The following SLC37A1 variants were observed in gnomAD, a reference collection of about 807,000 sequenced individuals.
The protein encoded by SLC37A1 is solute carrier family 37 member 1.
SLC37A1 carries 49 observed loss-of-function variants against 75.3 expected under a neutral mutation model. The observed-to-expected ratio is 0.65, with a 90% CI of 0.52 to 0.83. The LOEUF is 0.83. Ranked by LOEUF, SLC37A1 falls within the 40% of genes least tolerant of loss-of-function variation. The probability of loss-of-function intolerance (pLI) is 0.00; values close to 1 mark genes in which losing one functional copy is unlikely to be tolerated. For missense variants in SLC37A1, 566 were observed against 695.0 expected, an observed-to-expected ratio of 0.81 and a Z score of 2.09; for synonymous variants, 268 against 292.1, an observed-to-expected ratio of 0.92 and a Z score of 0.84.
Position 42,545,518 on chromosome 21 carries a change from G to A in SLC37A1, c.731-1585G>A, listed in dbSNP as rs573458471. On this transcript the variant is annotated intron_variant, in intron 8 of 19. Transcript: ENST00000352133. The surrounding 1 kb of genome is among the most constrained non-coding windows in gnomAD (Gnocchi z 4.0). ...CTTTCTCTGCTGCTCCTTCACTCTT[G>A]TCTCCTGCCCAGGGTGAGCCCCAAA... Among the ~76,000 whole-genome samples the A allele has an allele frequency of 2.0e-5, 3 of 152,180 alleles. No individual in the cohort carries two copies. The highest frequency in any genetic ancestry group is 7.2e-5 in the African/African-American group (3 of 41,536).
intron 14 of SLC37A1, 108 bp from the exon 15 acceptor site, chr21:42,565,719 G>C (rs1434363675): frequency 9.9e-7 from 1 of 1,009,852 alleles, no homozygotes; most frequent in Non-Finnish European, 1.5e-6. Flanking sequence ...CCACTCTTGG[G>C]ATGGCTGCCT....
At chr21:42,523,003 G>A (rs2054691011) in intron 2 of SLC37A1, among the ~76,000 whole-genome samples, 1 of 152,264 alleles carries the variant, frequency 6.6e-6, no homozygotes, top group Non-Finnish European at 1.5e-5. Context: ...GGAACGCGGT[G>A]TGTGTCGGGG....
intron 12 of SLC37A1, 123 bp downstream of exon 12, chr21:42,562,291 C>G (rs1179374549): frequency 2.1e-5 from 17 of 806,306 alleles, no homozygotes; most frequent in Non-Finnish European, 3.6e-5. Context: ...GAGAGGTACA[C>G]CTTTGAATAA....
intron 2 of SLC37A1, among the ~76,000 whole-genome samples, chr21:42,525,317 C>T (rs2054759171): frequency 6.6e-6 from 1 of 152,260 alleles, no homozygotes; most frequent in Admixed American, 6.5e-5. Context: ...GTCAGAGGAG[C>T]AGGTCACAAC....
intron 10 of SLC37A1, among the ~76,000 whole-genome samples, chr21:42,558,103 C>T (rs897138266): frequency 9.9e-5 from 15 of 152,122 alleles, no homozygotes; most frequent in African/African-American, 2.4e-4. Flanking sequence ...CACCACATTC[C>T]ACTATTTTTT....
At position 42,535,000 on chromosome 21, in the gene SLC37A1, G is replaced by A. The variant is rs528075901; in HGVS notation, c.271+170G>A. Among the ~76,000 whole-genome samples the A allele has an allele frequency of 3.9e-5, 6 of 152,352 alleles. No homozygotes were observed. In the South Asian group the frequency reaches 1.2e-3, roughly 32 times the overall value. Reference sequence around the variant, plus strand: ...CCGCCACGGTGTCCACAGTGCCTGTGCGCAGAGCTGTTCCTCCTGAAAGAA... The same window carrying A: ...CCGCCACGGTGTCCACAGTGCCTGTACGCAGAGCTGTTCCTCCTGAAAGAA... On this transcript the variant is annotated intron_variant, in intron 4 of 19. Coordinates refer to ENST00000352133, the MANE Select transcript of SLC37A1 (RefSeq NM_001320537.2).
chr21:42,562,837 G>A (rs1009562910), intron 12 of SLC37A1, among the ~76,000 whole-genome samples: 7 of 152,096 alleles, frequency 4.6e-5, no homozygotes, highest in African/African-American at 1.4e-4. Context: ...CAGAGAGAGC[G>A]AGAGGAAGGA....
intron 5 of SLC37A1, among the ~76,000 whole-genome samples, chr21:42,537,929 T>C (rs2055181619): frequency 6.6e-6 from 1 of 152,342 alleles, no homozygotes; most frequent in South Asian, 2.1e-4. Flanking sequence ...AAATCAGATC[T>C]GATAGGGTAC....
At chr21:42,567,984 G>A (rs117029439) in intron 16 of SLC37A1, among the ~76,000 whole-genome samples, 1,658 of 152,390 alleles carry the variant, frequency 0.011, 12 homozygotes, top group Non-Finnish European at 0.015. Context: ...GAATCCAGCA[G>A]ACACGTGGAT....
chr21:42,566,283 C>T (rs764067164), intron 15 of SLC37A1, among the ~76,000 whole-genome samples: 3 of 152,242 alleles, frequency 2.0e-5, no homozygotes, highest in African/African-American at 4.8e-5. Context: ...TCTTGGGCCA[C>T]GTCAGGTAGC....
At chr21:42,540,896 A>AGAAGG (rs2055263115) in intron 6 of SLC37A1, among the ~76,000 whole-genome samples, 1 of 152,250 alleles carries the variant, frequency 6.6e-6, no homozygotes, top group African/African-American at 2.4e-5. Context: ...ACAATTTTCC[A>AGAAGG]GAGTCCCAGC....
chr21:42,572,038 A>G (rs1276511054), intron 17 of SLC37A1, among the ~76,000 whole-genome samples: 2 of 152,122 alleles, frequency 1.3e-5, no homozygotes, highest in African/African-American at 4.8e-5. Flanking sequence ...ACTGGCTCCT[A>G]GCAGCTTCCT....
Position 42,516,103 on chromosome 21 carries a change from G to A in SLC37A1, c.-179+1386G>A, listed in dbSNP as rs538752717. Among the ~76,000 whole-genome samples the A allele has an allele frequency of 1.4e-4, 22 of 152,312 alleles. No individual in the cohort carries two copies. The South Asian group carries it at 3.3e-3, about 23-fold the overall frequency. ...GTGCAATGAAACTGGACATTCTGCC[G>A]CTTTTCCTCCCTGGAATGGTAAGTT... is the stretch of plus-strand genomic sequence containing the variant. On this transcript the variant is annotated intron_variant, in intron 1 of 19. Transcript: ENST00000352133.
chr21:42,530,652 ACAC>A lies in SLC37A1; in HGVS notation c.139-4044_139-4042del, dbSNP rs1317513308. On this transcript the variant is annotated intron_variant, in intron 3 of 19. Transcript: ENST00000352133. ...CACACACACACACACACACACACAC[ACAC>A]CCCCTCTGTGTTGGCTGAAGGTGGA... 2.0e-4 allele frequency among the ~76,000 whole-genome samples: 5 copies of A among 25,066 alleles called. No homozygotes were observed. In the Admixed American group the frequency reaches 2.8e-3, roughly 14 times the overall value. 16.4% of individuals were successfully genotyped at this position (25,066 alleles called of 152,430 possible). A position where few individuals can be genotyped will look rare whatever the true frequency, so the allele number is the denominator to read the frequency against.
chr21:42,564,918 C>A, intron 14 of SLC37A1, 125 bp downstream of exon 14: 1 of 825,772 alleles, frequency 1.2e-6, no homozygotes, highest in Non-Finnish European at 1.9e-6. Context: ...TTCATTCCCT[C>A]TCATGCCTCC....
chr21:42,544,183 GC>G (rs1457045220), intron 8 of SLC37A1, among the ~76,000 whole-genome samples: 2 of 152,220 alleles, frequency 1.3e-5, no homozygotes, highest in African/African-American at 4.8e-5. Context: ...GAATAGAGAT[GC>G]CCGGGTGGCC....
At chr21:42,517,559 C>A (rs960024213) in intron 1 of SLC37A1, among the ~76,000 whole-genome samples, 1 of 152,162 alleles carries the variant, frequency 6.6e-6, no homozygotes, top group Non-Finnish European at 1.5e-5. Flanking sequence ...CTTTGGAGGA[C>A]GCAGTGACTC....
intron 18 of SLC37A1, chr21:42,575,161 C>T: frequency 1.0e-6 from 1 of 985,266 alleles, no homozygotes; most frequent in Non-Finnish European, 1.2e-6. Flanking sequence ...GAGCGTGGAG[C>T]TCCGTGGCTC....
At chr21:42,513,107 C>T (rs1030157238), upstream of SLC37A1, among the ~76,000 whole-genome samples, 13 of 152,232 alleles carry the variant, frequency 8.5e-5, no homozygotes, top group Admixed American at 5.2e-4. Flanking sequence ...CTGGGAGCCC[C>T]CTCTGCTCTG....
Sources: gnomAD v4.1 joint callset for allele counts (sites outside exome capture counted in the v4.1 genomes callset) on GRCh38, gnomAD v4.1.1 for gene constraint, Gnocchi (gnomAD v3.1) non-coding constraint, MANE v1.5 for transcripts, NCBI Gene and HGNC (gene_info 2026-07-23, HGNC 2026-07-21) for gene names.